Variants in KATNA1 observed in about 807,000 individuals in gnomAD.
KATNA1 encodes katanin p60 ATPase-containing subunit A1.
In KATNA1, 42 loss-of-function variants were observed where a neutral mutation model predicts 62.6. The ratio of observed to expected loss-of-function variants is 0.67; its 90% CI spans 0.52 to 0.87. The LOEUF (loss-of-function observed/expected upper bound fraction) is 0.87, where lower values mean the gene tolerates loss of function less well. KATNA1 is among the 40% of genes least tolerant of loss of function. KATNA1 has a pLI of 0.00. For synonymous variants in KATNA1, 186 were observed against 201.9 expected, an observed-to-expected ratio of 0.92 and a Z score of 0.67; for missense variants, 498 against 612.5, an observed-to-expected ratio of 0.81 and a Z score of 1.97.
At chr6:149,615,630 G>C (rs551242085) in intron 4 of KATNA1, among the ~76,000 whole-genome samples, 1 of 151,968 alleles carries the variant, frequency 6.6e-6, no homozygotes, top group South Asian at 2.1e-4. Context: ...CTGGCAGAAC[G>C]GACAAAAAAC....
chr6:149,606,392 C>T (rs1778741878), intron 4 of KATNA1, among the ~76,000 whole-genome samples: 1 of 152,036 alleles, frequency 6.6e-6, no homozygotes, highest in Non-Finnish European at 1.5e-5. Context: ...ATTTTTTCTG[C>T]CGTACTAAGA....
intron 4 of KATNA1, among the ~76,000 whole-genome samples, chr6:149,610,833 C>T (rs760926211): frequency 2.0e-5 from 3 of 152,142 alleles, no homozygotes; most frequent in African/African-American, 7.2e-5. Context: ...CCAGCCTGGG[C>T]GATAAGAGTG....
chr6:149,611,629 A>G (rs1778960226), intron 4 of KATNA1, among the ~76,000 whole-genome samples: 1 of 152,136 alleles, frequency 6.6e-6, no homozygotes, highest in South Asian at 2.1e-4. Context: ...TGACAATGCA[A>G]AAAGGACAGA....
intron 2 of KATNA1, among the ~76,000 whole-genome samples, chr6:149,633,984 C>G (rs541328081): frequency 2.7e-4 from 41 of 151,258 alleles, no homozygotes; most frequent in African/African-American, 9.5e-4. Flanking sequence ...AAATAAATTG[C>G]ATAACAGGCC....
In KATNA1 at chr6:149,603,300, C is replaced by A; in HGVS notation, c.697G>T (p.Glu233Ter). ...GGTCTCCTAATGCCCTTAAAGAATT[C>A]GGGCATCCACATTGGTAACACTACG... The part of the protein sequence containing the change: ...EAVVLPMWMP[E>*]FFKGIRRPWK... The change falls in exon 6 of 11, where the codon GAA becomes TAA. Residue 233 changes from glutamate (E) to a stop codon, truncating the protein, a stop_gained. Coordinates refer to ENST00000367411, the MANE Select transcript of KATNA1 (RefSeq NM_007044.4). LOFTEE classifies it high-confidence loss of function. The A allele has an allele frequency of 6.3e-7, 1 of 1,584,476 alleles. No individual in the cohort carries two copies. Among genetic ancestry groups the A allele is most frequent in the South Asian group, 1.1e-5 (1 of 88,606 alleles).
chr6:149,601,546 C>T (rs771400273), intron 7 of KATNA1, 48 bp downstream of exon 7: 6 of 1,495,830 alleles, frequency 4.0e-6, no homozygotes, highest in East Asian at 4.7e-5. Flanking sequence ...CTCACTTTCT[C>T]CCCTTTTAGA....
intron 2 of KATNA1, among the ~76,000 whole-genome samples, chr6:149,633,144 C>A (rs914807911): frequency 7.4e-6 from 1 of 135,210 alleles, no homozygotes; most frequent in Non-Finnish European, 1.5e-5. Context: ...CACTCTGTCG[C>A]CCAGGCTGGA....
At chr6:149,633,100 ATT>A (rs368739065) in intron 2 of KATNA1, among the ~76,000 whole-genome samples, 184 bp from the exon 3 acceptor site, 13 of 120,716 alleles carry the variant, frequency 1.1e-4, no homozygotes, top group Non-Finnish European at 1.8e-4. Flanking sequence ...TTCAATTGCA[ATT>A]TTTTTTTTTT....
chr6:149,611,462 CAAA>C (rs1179618459), intron 4 of KATNA1, among the ~76,000 whole-genome samples: 3 of 34,776 alleles, frequency 8.6e-5, no homozygotes, highest in Non-Finnish European at 1.9e-4. Context: ...AACTCTGTCT[CAAA>C]AAAAAAAAAA....
At chr6:149,617,968 A>AAATAAATAAATAAATG (rs1215614615) in intron 4 of KATNA1, among the ~76,000 whole-genome samples, 1 of 120,126 alleles carries the variant, frequency 8.3e-6, no homozygotes, top group East Asian at 2.9e-4. Context: ...ATAAATAAAT[A>AAATAAATAAATAAATG]ATAAAATAAA....
At chr6:149,603,569 T>C (rs1778629650) in intron 5 of KATNA1, among the ~76,000 whole-genome samples, 196 bp from the exon 6 acceptor site, 1 of 152,160 alleles carries the variant, frequency 6.6e-6, no homozygotes, top group Non-Finnish European at 1.5e-5. Flanking sequence ...CAACCTTTTC[T>C]TCAGTTATTG....
At chr6:149,643,956 A>G (rs1466647936) in intron 1 of KATNA1, among the ~76,000 whole-genome samples, 1 of 151,862 alleles carries the variant, frequency 6.6e-6, no homozygotes, top group African/African-American at 2.4e-5. Context: ...CCAAAGTGCT[A>G]GGATTACAGG....
intron 3 of KATNA1, among the ~76,000 whole-genome samples, chr6:149,630,133 G>T (rs777779400): frequency 1.3e-5 from 2 of 152,208 alleles, no homozygotes; most frequent in Admixed American, 6.5e-5. Flanking sequence ...GGATGACTAT[G>T]TGATTTTCCC....
At chr6:149,627,416 A>C (rs1330381640) in intron 3 of KATNA1, among the ~76,000 whole-genome samples, 6 of 150,602 alleles carry the variant, frequency 4.0e-5, no homozygotes, top group Non-Finnish European at 8.8e-5. Context: ...ATACAAAAAA[A>C]TTAGCTGGGC....
intron 10 of KATNA1, 27 bp from the exon 11 acceptor site, chr6:149,595,261 A>AAC (rs769020184): frequency 6.3e-7 from 1 of 1,578,468 alleles, no homozygotes; most frequent in Non-Finnish European, 8.7e-7. Context: ...AAACAACAAC[A>AAC]ACACACACAA....
intron 6 of KATNA1, among the ~76,000 whole-genome samples, chr6:149,602,259 C>T (rs938517670): frequency 4.6e-5 from 7 of 152,152 alleles, no homozygotes; most frequent in African/African-American, 1.2e-4. Context: ...CCCAGCTACT[C>T]GGGAGGCTGA....
intron 4 of KATNA1, among the ~76,000 whole-genome samples, chr6:149,617,789 A>C (rs1779224944): frequency 6.6e-6 from 1 of 151,904 alleles, no homozygotes; most frequent in African/African-American, 2.4e-5. Flanking sequence ...CACAAAAATT[A>C]GCTGGGCATG....
chr6:149,631,853 C>T (rs1445875693), intron 3 of KATNA1, among the ~76,000 whole-genome samples: 6 of 152,156 alleles, frequency 3.9e-5, no homozygotes, highest in Non-Finnish European at 7.4e-5. Flanking sequence ...CAGTAAATAT[C>T]AGTATCACTA....
At position 149,601,292 on chromosome 6, in the gene KATNA1, T is replaced by C. The variant is rs58277211; in HGVS notation, c.888+302A>G. On this transcript the variant is annotated intron_variant, in intron 7 of 10. Transcript: ENST00000367411. ...TTACAATACTGTGGTTATCATATTA[T>C]AACTAAACCTATTGATTTAAAAAAC... Among the ~76,000 whole-genome samples, 548 of 152,354 alleles carry C rather than the reference T, an allele frequency of 3.6e-3. 3 individuals are homozygous for C. The highest frequency in any genetic ancestry group is 0.013 in the African/African-American group (523 of 41,590).
Sources: gnomAD v4.1 joint callset for allele counts (sites outside exome capture counted in the v4.1 genomes callset) on GRCh38, gnomAD v4.1.1 for gene constraint, MANE v1.5 for transcripts, NCBI Gene and HGNC (gene_info 2026-07-23, HGNC 2026-07-21) for gene names.